RSRC1: variants seen among roughly 807,000 people sequenced by gnomAD.
RSRC1 encodes arginine and serine rich coiled-coil 1.
RSRC1 carries 39 observed loss-of-function variants against 49.1 expected under a neutral mutation model. That is an observed-to-expected ratio of 0.79 (90% CI 0.61 to 1.04). RSRC1 has a LOEUF of 1.04. Among genes scored for constraint, RSRC1 ranks in the 50% least tolerant of loss-of-function variants. The pLI is 0.00. For missense variants in RSRC1, 388 were observed against 402.4 expected (o/e 0.96, Z 0.31); for synonymous variants, 143 against 130.8 (o/e 1.09, Z -0.63).
chr3:158,459,707 A>G (rs934257132), intron 6 of RSRC1, among the ~76,000 whole-genome samples: 9 of 152,014 alleles, frequency 5.9e-5, no homozygotes, highest in African/African-American at 1.9e-4. Context: ...AGATTCTTGC[A>G]ATGATATGGA....
At chr3:158,405,160 CTAT>C (rs1390792452) in intron 6 of RSRC1, among the ~76,000 whole-genome samples, 2 of 151,898 alleles carry the variant, frequency 1.3e-5, no homozygotes, top group East Asian at 3.8e-4. Context: ...CTTTAAGTCT[CTAT>C]TATTATTAAA....
chr3:158,368,713 T>C (rs573671180), intron 6 of RSRC1, among the ~76,000 whole-genome samples: 2 of 152,348 alleles, frequency 1.3e-5, no homozygotes, highest in African/African-American at 4.8e-5. Context: ...TGGGTCTTTT[T>C]CAGTGGTTTT....
In RSRC1 at chr3:158,371,499, G is replaced by A. The variant is rs1489844483; in HGVS notation, c.583+16591G>A. On this transcript the variant is annotated intron_variant, in intron 6 of 9. Transcript: ENST00000611884. ...TGGACTCATAATATGTAGACTTTGA[G>A]TCTAGCGTTTTTGACTTAGCATCAT... Among the ~76,000 whole-genome samples the A allele has an allele frequency of 2.0e-5, 3 of 151,700 alleles. No homozygotes were observed. The East Asian group carries it at 5.8e-4, about 29-fold the overall frequency.
intron 1 of RSRC1, among the ~76,000 whole-genome samples, chr3:158,116,826 A>AT (rs572754995): frequency 2.3e-4 from 35 of 150,138 alleles, no homozygotes; most frequent in Admixed American, 3.3e-4. Flanking sequence ...TAGGGAAAGG[A>AT]TTTTTTTTTT....
chr3:158,425,596 G>A lies in RSRC1; in HGVS notation c.584-35339G>A, dbSNP rs11719002. 2.8e-3 allele frequency among the ~76,000 whole-genome samples: 421 copies of A among 151,564 alleles called. 1 individual carries two copies. The highest frequency in any genetic ancestry group is 4.8e-3 in the Non-Finnish European group (327 of 67,794). ...TGGAGAGTTCTGTAGATGTCTATTA[G>A]GTCCGCTTGGTGCAGAGCTGAGTTC... On this transcript the variant is annotated intron_variant, in intron 6 of 9. Coordinates refer to ENST00000611884, the MANE Select transcript of RSRC1 (RefSeq NM_001271838.2).
chr3:158,155,090 A>G (rs984668247), intron 3 of RSRC1, among the ~76,000 whole-genome samples: 3 of 152,100 alleles, frequency 2.0e-5, no homozygotes, highest in Non-Finnish European at 4.4e-5. Context: ...ACAGTCACAC[A>G]TAAGGGTCTT....
chr3:158,295,809 G>A (rs1433135768), intron 4 of RSRC1, among the ~76,000 whole-genome samples: 8 of 152,190 alleles, frequency 5.3e-5, no homozygotes, highest in African/African-American at 1.9e-4. Context: ...TTAAAGAGCA[G>A]TTTCTTGTCC....
At chr3:158,532,299 TAGTGCCATCTTC>T (rs1384141601) in intron 7 of RSRC1, among the ~76,000 whole-genome samples, 1 of 151,866 alleles carries the variant, frequency 6.6e-6, no homozygotes, top group African/African-American at 2.4e-5. Flanking sequence ...TCTGGGGCAA[TAGTGCCATCTTC>T]AGTTCTCAGC....
At position 158,539,040 on chromosome 3, in the gene RSRC1, T is replaced by TA. The variant is rs1481577752; in HGVS notation, c.759+1843dup. Reference sequence around the variant, plus strand: ...GATTACTTAGCAAAAGGAGGTAAATTATCTTGTGGACCCTTTTATCCAGAT... The same window carrying TA: ...GATTACTTAGCAAAAGGAGGTAAATTAATCTTGTGGACCCTTTTATCCAGAT... On this transcript the variant is annotated intron_variant, in intron 8 of 9. Transcript: ENST00000611884. The surrounding 1 kb of genome is among the most constrained non-coding windows in gnomAD (Gnocchi z 4.1). Among the ~76,000 whole-genome samples the TA allele has an allele frequency of 1.3e-5, 2 of 151,976 alleles. No individual in the cohort carries two copies. Among genetic ancestry groups the TA allele is most frequent in the African/African-American group, 4.8e-5 (2 of 41,430 alleles).
intron 3 of RSRC1, among the ~76,000 whole-genome samples, chr3:158,145,905 G>T (rs989440586): frequency 3.9e-5 from 6 of 152,140 alleles, no homozygotes. Context: ...TTGTGAATGG[G>T]AGTTCACTCA....
chr3:158,350,983 A>G (rs532588069), intron 5 of RSRC1, among the ~76,000 whole-genome samples: 1 of 152,250 alleles, frequency 6.6e-6, no homozygotes, highest in East Asian at 1.9e-4. Context: ...TTAATTCTAT[A>G]TTCTGTTCTT....
At chr3:158,136,949 T>A (rs1028804549) in intron 3 of RSRC1, 12 of 152,190 alleles carry the variant, frequency 7.9e-5, no homozygotes, top group African/African-American at 2.7e-4. Context: ...TCTGTTCTTG[T>A]AAGGACACTG....
intron 4 of RSRC1, among the ~76,000 whole-genome samples, chr3:158,283,192 A>G (rs1726281535): frequency 6.6e-6 from 1 of 152,200 alleles, no homozygotes; most frequent in Non-Finnish European, 1.5e-5. Flanking sequence ...AGGTAAAATC[A>G]TGTACATAAA....
chr3:158,186,239 T>C (rs1719924282), intron 3 of RSRC1, among the ~76,000 whole-genome samples: 1 of 152,036 alleles, frequency 6.6e-6, no homozygotes, highest in Non-Finnish European at 1.5e-5. Flanking sequence ...GCAGATTTTC[T>C]CAAACTTGTT....
intron 5 of RSRC1, among the ~76,000 whole-genome samples, chr3:158,300,443 A>G (rs545599931): frequency 6.6e-6 from 1 of 152,324 alleles, no homozygotes; most frequent in South Asian, 2.1e-4. Context: ...AAACCTTTCT[A>G]AAAAGGTTCA....
chr3:158,239,404 T>A (rs981068217), intron 4 of RSRC1, among the ~76,000 whole-genome samples: 5 of 152,168 alleles, frequency 3.3e-5, no homozygotes, highest in African/African-American at 1.2e-4. Flanking sequence ...TAAAGACCCA[T>A]GCACACGTTT....
chr3:158,528,663 A>C (rs1481760634), intron 7 of RSRC1, among the ~76,000 whole-genome samples: 2 of 152,008 alleles, frequency 1.3e-5, no homozygotes, highest in African/African-American at 2.4e-5. Flanking sequence ...TTCTAGAATT[A>C]AAATGGACAG....
chr3:158,324,839 G>C (rs1367308628), intron 5 of RSRC1, among the ~76,000 whole-genome samples: 1 of 152,172 alleles, frequency 6.6e-6, no homozygotes, highest in Non-Finnish European at 1.5e-5. Flanking sequence ...GTAGTTTACA[G>C]TCCCATCAAC....
Position 158,117,491 on chromosome 3 carries a change from A to G in RSRC1, c.-2-4612A>G, listed in dbSNP as rs145611824. The stretch of plus-strand genomic sequence containing the variant: ...TTTTTGTAGAGACAGGGGTTTCACC[A>G]TGTTGCCCAGGCTGGTCTCAAACTC... On this transcript the variant is annotated intron_variant, in intron 1 of 9. Coordinates refer to ENST00000611884, the MANE Select transcript of RSRC1 (RefSeq NM_001271838.2). Among the ~76,000 whole-genome samples, 168 of 133,166 alleles carry G rather than the reference A, an allele frequency of 1.3e-3. 2 individuals carry two copies. The highest frequency in any genetic ancestry group is 5.1e-3 in the African/African-American group (164 of 32,436). The allele number at this position is 133,166 out of a possible 152,430, so 87.4% of individuals were successfully genotyped here. A position where few individuals can be genotyped will look rare whatever the true frequency, so the allele number is the denominator to read the frequency against.
Sources: allele counts gnomAD v4.1 joint callset (sites outside exome capture counted in the v4.1 genomes callset), GRCh38; gene constraint gnomAD v4.1.1; non-coding constraint Gnocchi (gnomAD v3.1); transcripts MANE v1.5; gene names NCBI Gene and HGNC (gene_info 2026-07-23, HGNC 2026-07-21).